The following PLXNC1 variants were observed in gnomAD, a reference collection of about 807,000 sequenced individuals.
PLXNC1 encodes plexin C1.
A neutral mutation model predicts 178.2 loss-of-function variants in PLXNC1; 75 were observed. That is an observed-to-expected ratio of 0.42 (90% CI 0.35 to 0.51). PLXNC1 has a LOEUF of 0.51. Ranked by LOEUF, PLXNC1 falls within the 20% of genes least tolerant of loss-of-function variation. PLXNC1 has a pLI of 0.02. For missense variants in PLXNC1, 1,503 were observed against 1,984.4 expected (o/e 0.76, Z 4.61); for synonymous variants, 790 against 779.9 (o/e 1.01, Z -0.22).
At chr12:94,203,904 T>C (rs1355579459) in intron 4 of PLXNC1, among the ~76,000 whole-genome samples, 3 of 152,222 alleles carry the variant, frequency 2.0e-5, no homozygotes, top group East Asian at 1.9e-4. Flanking sequence ...TCTGCCTTTG[T>C]GAATGGATTA....
At chr12:94,234,361 A>G (rs118125030) in intron 9 of PLXNC1, among the ~76,000 whole-genome samples, 3,913 of 152,282 alleles carry the variant, frequency 0.026, 82 homozygotes, top group Non-Finnish European at 0.026. Flanking sequence ...TGGTTGTGCT[A>G]TTTCCAATAT....
chr12:94,263,298 C>T (rs1056417081), intron 20 of PLXNC1, among the ~76,000 whole-genome samples: 1 of 151,944 alleles, frequency 6.6e-6, no homozygotes, highest in Non-Finnish European at 1.5e-5. Context: ...GAGTGGAGCT[C>T]AGGCATCTGA....
At chr12:94,191,101 G>A (rs144921096) in intron 4 of PLXNC1, among the ~76,000 whole-genome samples, 12 of 152,336 alleles carry the variant, frequency 7.9e-5, no homozygotes, top group Admixed American at 2.0e-4. Context: ...GTGATTGGTC[G>A]ACTCTGCCAA....
chr12:94,282,418 ACCCCG>A lies in PLXNC1; in HGVS notation c.3879+18_3879+22del. 6.6e-7 allele frequency: 1 copy of A among 1,504,336 alleles called. No individual in the cohort carries two copies. Among genetic ancestry groups the A allele is most frequent in the Non-Finnish European group, 9.3e-7 (1 of 1,080,826 alleles). The allele number at this position is 1,504,336 out of a possible 1,614,324, so 93.2% of individuals were successfully genotyped here. A position where few individuals can be genotyped will look rare whatever the true frequency, so the allele number is the denominator to read the frequency against. On this transcript the variant is annotated intron_variant, in intron 23 of 30. Coordinates refer to ENST00000258526, the MANE Select transcript of PLXNC1 (RefSeq NM_005761.3). ...CACTATGAGGTAAGAGCAAGACTTG[ACCCCG>A]TGTCTCCTTCCTCATCCCCAATCCT...
At chr12:94,302,093 A>G (rs1432464135) in intron 28 of PLXNC1, among the ~76,000 whole-genome samples, 2 of 152,108 alleles carry the variant, frequency 1.3e-5, no homozygotes, top group Non-Finnish European at 2.9e-5. Flanking sequence ...TCTTTCTAAA[A>G]CATAAATCTG....
chr12:94,260,847 G>C lies in PLXNC1; in HGVS notation c.3450+7G>C. On this transcript the variant is annotated splice_region_variant and intron_variant, in intron 20 of 30. Transcript: ENST00000258526. This position sits in a 1 kb window ranked among gnomAD's most constrained non-coding sequence, Gnocchi z 4.4. Reference sequence around the variant, plus strand: ...CCTTTCTGGATTTCTCCGGGTAAGTGTCACATCCCTCAGCAATGTCAGAGG... The same window carrying C: ...CCTTTCTGGATTTCTCCGGGTAAGTCTCACATCCCTCAGCAATGTCAGAGG... The C allele has an allele frequency of 6.2e-7, 1 of 1,613,336 alleles. No homozygotes were observed. Among genetic ancestry groups the C allele is most frequent in the Non-Finnish European group, 8.5e-7 (1 of 1,179,414 alleles).
At chr12:94,247,009 C>T (rs979173460) in intron 12 of PLXNC1, among the ~76,000 whole-genome samples, 7 of 152,138 alleles carry the variant, frequency 4.6e-5, no homozygotes, top group African/African-American at 1.2e-4. Context: ...CCTCCTCTGC[C>T]TGTCCTTCTG....
At chr12:94,181,181 C>T (rs1256179416) in intron 2 of PLXNC1, among the ~76,000 whole-genome samples, 2 of 151,830 alleles carry the variant, frequency 1.3e-5, no homozygotes, top group Admixed American at 1.3e-4. Context: ...GGGTGGATCA[C>T]GAGGTCAGGA....
At chr12:94,214,340 G>A (rs1461473279) in intron 5 of PLXNC1, among the ~76,000 whole-genome samples, 1 of 152,088 alleles carries the variant, frequency 6.6e-6, no homozygotes, top group Admixed American at 6.6e-5. Context: ...TCCCACCTCA[G>A]CCTCTCAAAG....
At chr12:94,242,619 C>G (rs574034693) in intron 11 of PLXNC1, among the ~76,000 whole-genome samples, 53 of 152,030 alleles carry the variant, frequency 3.5e-4, no homozygotes, top group African/African-American at 1.2e-3. Flanking sequence ...TTTTTGGGGA[C>G]ACAGTTCAGT....
intron 5 of PLXNC1, among the ~76,000 whole-genome samples, chr12:94,217,000 A>C (rs1218899385): frequency 1.3e-5 from 2 of 152,090 alleles, no homozygotes; most frequent in Non-Finnish European, 2.9e-5. Flanking sequence ...TTACGCAAAA[A>C]TACCTTCACC....
chr12:94,301,853 C>A (rs1240927317), intron 28 of PLXNC1, among the ~76,000 whole-genome samples: 1 of 152,152 alleles, frequency 6.6e-6, no homozygotes, highest in Non-Finnish European at 1.5e-5. Flanking sequence ...AAGGTAGAAT[C>A]CTCAACGTTA....
chr12:94,291,809 A>G (rs1967359200), intron 23 of PLXNC1, among the ~76,000 whole-genome samples: 1 of 152,154 alleles, frequency 6.6e-6, no homozygotes, highest in South Asian at 2.1e-4. Context: ...GGTTTGCTAC[A>G]AGGGTATACT....
At chr12:94,169,352 A>G (rs906302839) in intron 2 of PLXNC1, 59 bp downstream of exon 2, 1 of 1,451,694 alleles carries the variant, frequency 6.9e-7, no homozygotes, top group South Asian at 1.2e-5. Context: ...TGTACTTTAA[A>G]AAAACATTTT....
intron 4 of PLXNC1, among the ~76,000 whole-genome samples, chr12:94,191,112 T>C (rs1962704595): frequency 6.6e-6 from 1 of 152,240 alleles, no homozygotes; most frequent in Non-Finnish European, 1.5e-5. Flanking sequence ...ACTCTGCCAA[T>C]AGCAGGTTAA....
At chr12:94,282,658 A>C (rs1368341146) in intron 23 of PLXNC1, 1 of 318,706 alleles carries the variant, frequency 3.1e-6, no homozygotes, top group Non-Finnish European at 5.8e-6. Context: ...GAGGTTCAGC[A>C]GAAAAGAACC....
intron 1 of PLXNC1, among the ~76,000 whole-genome samples, chr12:94,162,800 A>T (rs536491855): frequency 6.6e-6 from 1 of 152,190 alleles, no homozygotes; most frequent in East Asian, 1.9e-4. Flanking sequence ...AAAAGTCTAG[A>T]TAACCATTTG....
chr12:94,171,320 GT>G (rs1253673007), intron 2 of PLXNC1, among the ~76,000 whole-genome samples: 3 of 152,160 alleles, frequency 2.0e-5, no homozygotes, highest in Non-Finnish European at 4.4e-5. Flanking sequence ...TGGCCTCGTT[GT>G]TTTTTTCAAG....
chr12:94,272,836 G>C (rs1424532449), intron 21 of PLXNC1, among the ~76,000 whole-genome samples: 1 of 152,242 alleles, frequency 6.6e-6, no homozygotes, highest in African/African-American at 2.4e-5. Flanking sequence ...AGTGGGTTCT[G>C]TGGGGTTCAA....
Sources: allele counts gnomAD v4.1 joint callset (sites outside exome capture counted in the v4.1 genomes callset), GRCh38; gene constraint gnomAD v4.1.1; non-coding constraint Gnocchi (gnomAD v3.1); transcripts MANE v1.5; gene names NCBI Gene and HGNC (gene_info 2026-07-23, HGNC 2026-07-21).